The following ZFHX3 variants were observed in gnomAD, a reference collection of about 807,000 sequenced individuals.
The protein encoded by ZFHX3 is zinc finger homeobox protein 3.
A neutral mutation model predicts 279.1 loss-of-function variants in ZFHX3; 42 were observed. That is an observed-to-expected ratio of 0.15 (90% CI 0.12 to 0.19). ZFHX3 has a LOEUF of 0.19. ZFHX3 is among the 10% of genes least tolerant of loss of function. ZFHX3 has a pLI of 1.00. For missense variants in ZFHX3, 4,981 were observed against 4,754.0 expected (o/e 1.05, Z -1.40); for synonymous variants, 2,293 against 1,957.8 (o/e 1.17, Z -4.52).
rs141045924 is a variant in ZFHX3 at position 73,582,269 on chromosome 16, A to G, written c.-1547+97911T>C. ...AGAAGTCTACCATGGCGAAGTGGGA[A>G]CCCTTATGAATATGTTCTTCACACT... On this transcript the variant is annotated intron_variant, in intron 2 of 17. Coordinates refer to the ZFHX3 transcript ENST00000641206. Among the ~76,000 whole-genome samples the G allele has an allele frequency of 3.0e-3, 453 of 151,676 alleles. 13 individuals are homozygous for G. Among genetic ancestry groups the G allele is most frequent in the African/African-American group, 0.01 (422 of 41,112 alleles).
intron 3 of ZFHX3, among the ~76,000 whole-genome samples, chr16:72,911,177 C>G (rs748021217): frequency 5.9e-5 from 9 of 152,170 alleles, no homozygotes; most frequent in Non-Finnish European, 1.2e-4. Context: ...GTAAGGGAGT[C>G]GAGAATGAGT....
chr16:73,870,443 G>A (rs1361685737), intron 1 of ZFHX3, among the ~76,000 whole-genome samples: 7 of 152,286 alleles, frequency 4.6e-5, no homozygotes, highest in South Asian at 2.1e-4. Flanking sequence ...AAACCAAAAC[G>A]AGGGCGGAAG....
rs56199536 is a variant in ZFHX3 at position 73,308,224 on chromosome 16, CATATATATATATATATATATATATATAT to C, written c.-1194+9988_-1194+10015del. ...TTGAGTTATCTGAGCCATATGCATG[CATATATATATATATATATATATATATAT>C]ATATATATATATATATATATATATA... On this transcript the variant is annotated intron_variant, in intron 4 of 17. Coordinates refer to the ZFHX3 transcript ENST00000641206. Among the ~76,000 whole-genome samples the C allele has an allele frequency of 3.8e-3, 409 of 108,736 alleles. 2 individuals carry two copies. Among genetic ancestry groups the C allele is most frequent in the South Asian group, 7.8e-3 (23 of 2,940 alleles). The allele number at this position is 108,736 out of a possible 152,430, so 71.3% of individuals were successfully genotyped here. A position where few individuals can be genotyped will look rare whatever the true frequency, so the allele number is the denominator to read the frequency against.
chr16:73,605,340 A>C (rs745907769), intron 2 of ZFHX3, among the ~76,000 whole-genome samples: 1 of 152,226 alleles, frequency 6.6e-6, no homozygotes, highest in Non-Finnish European at 1.5e-5. Flanking sequence ...TTTTAGGATA[A>C]AAGTGCGCAA....
intron 4 of ZFHX3, among the ~76,000 whole-genome samples, chr16:72,873,183 T>C (rs2038208867): frequency 6.6e-6 from 1 of 152,236 alleles, no homozygotes; most frequent in South Asian, 2.1e-4. Context: ...GATCATAGGC[T>C]GGGCTCATTT....
At chr16:72,903,325 C>T (rs1345238617) in intron 3 of ZFHX3, among the ~76,000 whole-genome samples, 1 of 152,176 alleles carries the variant, frequency 6.6e-6, no homozygotes, top group Non-Finnish European at 1.5e-5. Flanking sequence ...TGCAAATTCT[C>T]AGACCCTGTC....
chr16:72,938,171 A>G (rs1410265709), intron 3 of ZFHX3, among the ~76,000 whole-genome samples: 1 of 152,268 alleles, frequency 6.6e-6, no homozygotes, highest in Non-Finnish European at 1.5e-5. Flanking sequence ...CTGGAGAGAC[A>G]GTTCTGGAAA....
intron 7 of ZFHX3, chr16:73,127,690 T>C: frequency 5.3e-6 from 6 of 1,135,778 alleles, no homozygotes; most frequent in Non-Finnish European, 6.8e-6. Flanking sequence ...CGATGCTTTT[T>C]CCTGAACCTC....
At position 72,929,253 on chromosome 16, in the gene ZFHX3, A is replaced by C. The variant is rs562322783; in HGVS notation, c.3216+21216T>G. ...CAGACCCTGTCTAAAAAAAAAAAAAAAAAAGAGTGAGGTAAAAAATCAAAT... is the reference window on the plus strand; with the variant it reads ...CAGACCCTGTCTAAAAAAAAAAAAACAAAAGAGTGAGGTAAAAAATCAAAT... On this transcript the variant is annotated intron_variant, in intron 3 of 9. Transcript: ENST00000268489. Among the ~76,000 whole-genome samples the C allele has an allele frequency of 5.1e-3, 780 of 152,136 alleles. 4 individuals are homozygous for C. Among genetic ancestry groups the C allele is most frequent in the Non-Finnish European group, 8.4e-3 (569 of 67,962 alleles).
At chr16:73,351,038 A>T (rs2016231979) in intron 3 of ZFHX3, among the ~76,000 whole-genome samples, 1 of 152,232 alleles carries the variant, frequency 6.6e-6, no homozygotes, top group Admixed American at 6.5e-5. Context: ...AAGGGAAGTG[A>T]CACTGGTGGC....
At chr16:73,731,294 C>G (rs558386070) in intron 1 of ZFHX3, among the ~76,000 whole-genome samples, 3 of 152,172 alleles carry the variant, frequency 2.0e-5, no homozygotes, top group African/African-American at 7.2e-5. Flanking sequence ...TCAATAGAGT[C>G]AACAGATTTT....
chr16:73,436,688 C>G (rs946526279), intron 3 of ZFHX3, among the ~76,000 whole-genome samples: 4 of 152,170 alleles, frequency 2.6e-5, no homozygotes, highest in African/African-American at 9.6e-5. Flanking sequence ...CATCAACTCA[C>G]CAGGACCTCC....
At chr16:73,588,443 T>A (rs1026318422) in intron 2 of ZFHX3, among the ~76,000 whole-genome samples, 1 of 151,774 alleles carries the variant, frequency 6.6e-6, no homozygotes, top group Non-Finnish European at 1.5e-5. Context: ...TCCCAGCACT[T>A]TGGGAGGCCG....
chr16:72,868,161 T>C (rs953078925), intron 4 of ZFHX3, among the ~76,000 whole-genome samples: 1 of 152,198 alleles, frequency 6.6e-6, no homozygotes, highest in South Asian at 2.1e-4. Flanking sequence ...ATAAATGTAA[T>C]TGGGTGCAAG....
At chr16:73,171,279 G>T (rs1025098339) in intron 5 of ZFHX3, among the ~76,000 whole-genome samples, 2 of 152,058 alleles carry the variant, frequency 1.3e-5, no homozygotes, top group African/African-American at 4.8e-5. Context: ...ATTACTCTGG[G>T]ATAATAGATA....
chr16:73,426,427 T>C (rs1365328716), intron 3 of ZFHX3, among the ~76,000 whole-genome samples: 1 of 152,190 alleles, frequency 6.6e-6, no homozygotes, highest in Non-Finnish European at 1.5e-5. Context: ...GGAGGGTGGC[T>C]ATCCTGTTTG....
intron 5 of ZFHX3, among the ~76,000 whole-genome samples, chr16:73,203,835 A>C (rs2011692394): frequency 6.6e-6 from 1 of 152,210 alleles, no homozygotes; most frequent in African/African-American, 2.4e-5. Flanking sequence ...CATTTGAGCC[A>C]GTGACAATTG....
intron 4 of ZFHX3, among the ~76,000 whole-genome samples, chr16:73,316,101 G>C (rs536840895): frequency 6.6e-6 from 1 of 152,224 alleles, no homozygotes; most frequent in African/African-American, 2.4e-5. Context: ...CACAAAGAAG[G>C]TGATACCACA....
At chr16:72,924,786 C>A (rs147462015) in intron 3 of ZFHX3, among the ~76,000 whole-genome samples, 3 of 152,182 alleles carry the variant, frequency 2.0e-5, no homozygotes, top group Admixed American at 6.5e-5. Flanking sequence ...AAACCCTTCT[C>A]GTTCACTCTC....
Sources: allele counts gnomAD v4.1 joint callset (sites outside exome capture counted in the v4.1 genomes callset), GRCh38; gene constraint gnomAD v4.1.1; transcripts MANE v1.5; gene names NCBI Gene and HGNC (gene_info 2026-07-23, HGNC 2026-07-21).